FER: variants seen among roughly 807,000 people sequenced by gnomAD.
The protein encoded by FER is tyrosine-protein kinase Fer.
In FER, 63 loss-of-function variants were observed where a neutral mutation model predicts 111.0. That is an observed-to-expected ratio of 0.57 (90% CI 0.46 to 0.70). FER has a LOEUF of 0.70. Ranked by LOEUF, FER falls within the 30% of genes least tolerant of loss-of-function variation. FER has a pLI of 0.00. For synonymous variants in FER, 327 were observed against 313.9 expected, an observed-to-expected ratio of 1.04 and a Z score of -0.44; for missense variants, 914 against 954.0, an observed-to-expected ratio of 0.96 and a Z score of 0.55.
chr5:109,109,998 T>TC (rs2150086327), intron 17 of FER, among the ~76,000 whole-genome samples: 1 of 152,252 alleles, frequency 6.6e-6, no homozygotes, highest in East Asian at 1.9e-4. Context: ...GTTGAATCCT[T>TC]ACTCTGGGAA....
chr5:108,751,786 C>T (rs1051188128), intron 1 of FER, among the ~76,000 whole-genome samples: 5 of 151,944 alleles, frequency 3.3e-5, no homozygotes, highest in Non-Finnish European at 5.9e-5. Flanking sequence ...TCTCATGGTT[C>T]TGAGGAATAT....
intron 13 of FER, among the ~76,000 whole-genome samples, chr5:109,025,618 C>A (rs1768602927): frequency 6.7e-6 from 1 of 148,188 alleles, no homozygotes; most frequent in South Asian, 2.2e-4. Context: ...TTATTTCCTT[C>A]TCCTGCCTAA....
chr5:108,789,146 A>G (rs905843006), intron 2 of FER, among the ~76,000 whole-genome samples: 1 of 152,262 alleles, frequency 6.6e-6, no homozygotes, highest in African/African-American at 2.4e-5. Context: ...CAAACTGACC[A>G]TACTTGTGCA....
At chr5:109,075,473 G>T (rs949043208) in intron 16 of FER, among the ~76,000 whole-genome samples, 1 of 144,348 alleles carries the variant, frequency 6.9e-6, no homozygotes, top group African/African-American at 2.6e-5. Flanking sequence ...TCTGTCACCC[G>T]GGCTGGAGGG....
At chr5:109,082,603 C>A (rs546686387) in intron 16 of FER, among the ~76,000 whole-genome samples, 1 of 151,488 alleles carries the variant, frequency 6.6e-6, no homozygotes, top group Non-Finnish European at 1.5e-5. Context: ...ATATTAAACT[C>A]CTACTGAGAG....
intron 17 of FER, among the ~76,000 whole-genome samples, chr5:109,120,984 A>T (rs1055548640): frequency 5.3e-5 from 8 of 152,000 alleles, no homozygotes; most frequent in African/African-American, 1.9e-4. Context: ...GTTAGTTCTC[A>T]TAGTTTTTGG....
chr5:109,145,082 A>G (rs147994359), intron 17 of FER, among the ~76,000 whole-genome samples: 1 of 151,484 alleles, frequency 6.6e-6, no homozygotes, highest in East Asian at 1.9e-4. Flanking sequence ...TTATGTTTCA[A>G]ATTAAGAGTT....
chr5:108,833,940 A>G (rs1044461916), intron 4 of FER, among the ~76,000 whole-genome samples: 1 of 151,726 alleles, frequency 6.6e-6, no homozygotes, highest in Non-Finnish European at 1.5e-5. Context: ...CCTTCATGTT[A>G]TCGAATACTT....
chr5:108,848,744 A>G (rs1762266191), intron 5 of FER, among the ~76,000 whole-genome samples: 1 of 152,022 alleles, frequency 6.6e-6, no homozygotes, highest in African/African-American at 2.4e-5. Flanking sequence ...TATTTATCCA[A>G]GTACTTATCT....
chr5:108,759,863 T>G (rs1751529371), intron 1 of FER, among the ~76,000 whole-genome samples: 1 of 152,218 alleles, frequency 6.6e-6, no homozygotes, highest in African/African-American at 2.4e-5. Flanking sequence ...CTGGGGAAGT[T>G]TTCAATACAT....
chr5:109,120,532 G>A (rs1308679209), intron 17 of FER, among the ~76,000 whole-genome samples: 1 of 152,076 alleles, frequency 6.6e-6, no homozygotes, highest in Non-Finnish European at 1.5e-5. Context: ...GTCAGGTAAT[G>A]TGTTTCCTCC....
intron 13 of FER, among the ~76,000 whole-genome samples, chr5:109,028,729 A>G (rs749341415): frequency 4.6e-5 from 7 of 152,202 alleles, no homozygotes; most frequent in Non-Finnish European, 1.0e-4. Context: ...TGACTCATGT[A>G]GGAACAGCAA....
chr5:109,027,841 A>G (rs1250940703), intron 13 of FER, among the ~76,000 whole-genome samples: 1 of 152,174 alleles, frequency 6.6e-6, no homozygotes, highest in Non-Finnish European at 1.5e-5. Context: ...AAATTCTAAG[A>G]TTTAGGTTTT....
chr5:109,047,436 AC>A (rs1175853941), intron 16 of FER, among the ~76,000 whole-genome samples: 2 of 152,216 alleles, frequency 1.3e-5, no homozygotes, highest in Non-Finnish European at 2.9e-5. Context: ...GAATATAGTT[AC>A]ACATGGAATT....
intron 10 of FER, among the ~76,000 whole-genome samples, chr5:108,930,862 C>T (rs1016161400): frequency 2.0e-5 from 3 of 151,724 alleles, no homozygotes; most frequent in African/African-American, 7.3e-5. Flanking sequence ...GATCCATCTG[C>T]CTTGGCCTCC....
At chr5:108,900,008 T>C (rs941537408) in intron 10 of FER, among the ~76,000 whole-genome samples, 1 of 152,226 alleles carries the variant, frequency 6.6e-6, no homozygotes, top group Non-Finnish European at 1.5e-5. Context: ...TTTTACAAGA[T>C]GGTGCTGCAT....
intron 16 of FER, among the ~76,000 whole-genome samples, chr5:109,083,638 G>A (rs1185856265): frequency 1.3e-5 from 2 of 151,942 alleles, no homozygotes; most frequent in African/African-American, 4.8e-5. Context: ...CAGATCACTT[G>A]CATGTCTGCA....
chr5:108,841,260 T>C (rs1761240039), intron 5 of FER, among the ~76,000 whole-genome samples: 1 of 152,184 alleles, frequency 6.6e-6, no homozygotes, highest in Non-Finnish European at 1.5e-5. Flanking sequence ...TTTCTTGACA[T>C]CAGCATAAAA....
chr5:109,149,470 A>G (rs1235026326), intron 17 of FER, among the ~76,000 whole-genome samples: 3 of 152,196 alleles, frequency 2.0e-5, no homozygotes, highest in Non-Finnish European at 4.4e-5. Flanking sequence ...GGAGCTCTCA[A>G]TTTCTTTATT....
Sources: allele counts gnomAD v4.1 joint callset (sites outside exome capture counted in the v4.1 genomes callset), GRCh38; gene constraint gnomAD v4.1.1; transcripts MANE v1.5; gene names NCBI Gene and HGNC (gene_info 2026-07-23, HGNC 2026-07-21).